The following SGCD variants were observed in gnomAD, a reference collection of about 807,000 sequenced individuals.
SGCD encodes delta-sarcoglycan.
A neutral mutation model predicts 36.6 loss-of-function variants in SGCD; 18 were observed. That is an observed-to-expected ratio of 0.49 (90% CI 0.34 to 0.73). SGCD has a LOEUF of 0.73. SGCD is among the 30% of genes least tolerant of loss of function. The pLI is 0.01. For missense variants in SGCD, 387 were observed against 346.7 expected (o/e 1.12, Z -0.92); for synonymous variants, 133 against 130.6 (o/e 1.02, Z -0.12).
At chr5:156,412,320 G>A (rs748852967) in intron 3 of SGCD, among the ~76,000 whole-genome samples, 1 of 152,160 alleles carries the variant, frequency 6.6e-6, no homozygotes, top group African/African-American at 2.4e-5. Context: ...ATTAGACCAG[G>A]TATATAAAAG....
chr5:155,845,334 T>C, the SGCD span: 1 of 152,130 alleles, frequency 6.6e-6, no homozygotes, highest in Non-Finnish European at 1.5e-5. Flanking sequence ...CATTTGATGA[T>C]GACAGTAGGA....
At chr5:156,452,503 A>G (rs939916780) in intron 3 of SGCD, among the ~76,000 whole-genome samples, 2 of 152,180 alleles carry the variant, frequency 1.3e-5, no homozygotes, top group Non-Finnish European at 2.9e-5. Context: ...TAGGTTACAC[A>G]TACAAAGAAA....
At chr5:156,144,234 A>C (rs372741842) in intron 3 of SGCD, among the ~76,000 whole-genome samples, 2 of 151,992 alleles carry the variant, frequency 1.3e-5, no homozygotes, top group African/African-American at 4.8e-5. Flanking sequence ...ATGATTTATA[A>C]TCCTTTGGGT....
At chr5:156,309,242 T>G (rs1222816291) in intron 3 of SGCD, among the ~76,000 whole-genome samples, 1 of 152,192 alleles carries the variant, frequency 6.6e-6, no homozygotes, top group African/African-American at 2.4e-5. Flanking sequence ...CCCTGTTCTC[T>G]CTCTTTTTTC....
intron 3 of SGCD, among the ~76,000 whole-genome samples, chr5:156,225,474 C>A (rs543354784): frequency 5.9e-5 from 9 of 152,164 alleles, no homozygotes; most frequent in African/African-American, 1.2e-4. Context: ...TGAGGCCATG[C>A]ACGCTGCCAA....
At chr5:156,705,195 G>A (rs1262861888) in intron 7 of SGCD, among the ~76,000 whole-genome samples, 2 of 152,104 alleles carry the variant, frequency 1.3e-5, no homozygotes, top group Non-Finnish European at 2.9e-5. Flanking sequence ...TTTATAAATC[G>A]AGACATCTTT....
chr5:155,959,344 C>T (rs1431180818), intron 1 of SGCD, among the ~76,000 whole-genome samples: 1 of 152,120 alleles, frequency 6.6e-6, no homozygotes, highest in African/African-American at 2.4e-5. Context: ...CTTCAGGTTC[C>T]TTCCTTATGT....
chr5:155,764,355 C>G, the SGCD span, among the ~76,000 whole-genome samples: 1,131 of 152,278 alleles, frequency 7.4e-3, 12 homozygotes, highest in Non-Finnish European at 8.5e-3. Flanking sequence ...TTTTGACAAG[C>G]ATTTATTATC....
the SGCD span, among the ~76,000 whole-genome samples, chr5:155,834,694 T>C: frequency 2.6e-5 from 4 of 152,192 alleles, no homozygotes; most frequent in African/African-American, 9.6e-5. Flanking sequence ...TTCTTCTTCG[T>C]GACAAGAAAA....
intron 1 of SGCD, among the ~76,000 whole-genome samples, chr5:156,106,812 G>C (rs1391471586): frequency 6.6e-6 from 1 of 152,140 alleles, no homozygotes; most frequent in Admixed American, 6.5e-5. Flanking sequence ...CAGTGATGTT[G>C]AGTATATGAA....
chr5:156,423,440 A>C (rs1322954384), intron 3 of SGCD, among the ~76,000 whole-genome samples: 40 of 123,974 alleles, frequency 3.2e-4, no homozygotes, highest in African/African-American at 1.2e-3. Flanking sequence ...AATATAATAT[A>C]TTTATTTTAT....
chr5:156,574,148 G>A (rs1351124568), intron 4 of SGCD, among the ~76,000 whole-genome samples: 1 of 152,210 alleles, frequency 6.6e-6, no homozygotes, highest in Admixed American at 6.5e-5. Flanking sequence ...GGGAAATGGA[G>A]ATACAGCAAT....
the SGCD span, among the ~76,000 whole-genome samples, chr5:155,819,980 A>G: frequency 2.0e-5 from 3 of 152,194 alleles, no homozygotes; most frequent in Non-Finnish European, 4.4e-5. Flanking sequence ...CTACTTTGGC[A>G]TGCATTGATT....
intron 1 of SGCD, among the ~76,000 whole-genome samples, chr5:155,876,762 A>C (rs1340069206): frequency 1.3e-5 from 2 of 152,152 alleles, no homozygotes; most frequent in African/African-American, 4.8e-5. Flanking sequence ...CCAAGTGACA[A>C]ATAAGAAACT....
At chr5:156,713,409 T>TTG (rs1232293106) in intron 7 of SGCD, among the ~76,000 whole-genome samples, 105 of 129,384 alleles carry the variant, frequency 8.1e-4, no homozygotes, top group African/African-American at 5.7e-4. Context: ...TTTGAACATG[T>TTG]CGGGGGGGGC....
intron 1 of SGCD, among the ~76,000 whole-genome samples, chr5:156,104,447 GC>G (rs1233491717): frequency 6.6e-6 from 1 of 152,160 alleles, no homozygotes; most frequent in Non-Finnish European, 1.5e-5. Flanking sequence ...AGAGGGACCT[GC>G]CTGATATTGA....
At chr5:156,119,743 T>C (rs1009466934) in intron 2 of SGCD, among the ~76,000 whole-genome samples, 3 of 152,122 alleles carry the variant, frequency 2.0e-5, no homozygotes, top group African/African-American at 7.2e-5. Context: ...CCCACCTCTC[T>C]TGGGAGTCTG....
chr5:155,841,986 A>G, the SGCD span, among the ~76,000 whole-genome samples: 2 of 152,186 alleles, frequency 1.3e-5, no homozygotes, highest in African/African-American at 2.4e-5. Context: ...AGTGAAATAG[A>G]TGCCTAGAGA....
chr5:155,931,526 G>T (rs1451127842), intron 1 of SGCD, among the ~76,000 whole-genome samples: 2 of 152,172 alleles, frequency 1.3e-5, no homozygotes, highest in African/African-American at 4.8e-5. Context: ...ATTCAAAATT[G>T]TGGGGTTTTT....
Sources: allele counts gnomAD v4.1 joint callset (sites outside exome capture counted in the v4.1 genomes callset), GRCh38; gene constraint gnomAD v4.1.1; transcripts MANE v1.5; gene names NCBI Gene and HGNC (gene_info 2026-07-23, HGNC 2026-07-21).